Variants in STK4 observed in about 807,000 individuals in gnomAD.
The protein encoded by STK4 is serine/threonine kinase 4.
A neutral mutation model predicts 64.9 loss-of-function variants in STK4; 30 were observed. That is an observed-to-expected ratio of 0.46 (90% confidence interval 0.35 to 0.63). STK4 has a LOEUF of 0.63. Ranked by LOEUF, STK4 falls within the 20% of genes least tolerant of loss-of-function variation. STK4 has a pLI of 0.01. For missense variants in STK4, 466 were observed against 598.5 expected (o/e 0.78, Z 2.31); for synonymous variants, 177 against 199.0 (o/e 0.89, Z 0.93).
intron 9 of STK4, among the ~76,000 whole-genome samples, chr20:45,010,746 A>G (rs1049214964): frequency 1.3e-5 from 2 of 152,184 alleles, no homozygotes; most frequent in South Asian, 4.1e-4. Context: ...GTTACAGATC[A>G]TGTGTTGGTG....
At chr20:44,989,161 CTG>C (rs1302449846) in intron 5 of STK4, among the ~76,000 whole-genome samples, 3 of 152,232 alleles carry the variant, frequency 2.0e-5, no homozygotes, top group South Asian at 2.1e-4. Flanking sequence ...CATGGTAACT[CTG>C]TGTTTAATTT....
At chr20:45,050,462 T>A (rs961005376) in intron 10 of STK4, among the ~76,000 whole-genome samples, 3 of 152,228 alleles carry the variant, frequency 2.0e-5, no homozygotes, top group African/African-American at 7.2e-5. Flanking sequence ...CATCTTTGCA[T>A]GGTACGCCCT....
Position 44,987,143 on chromosome 20 carries a change from T to C in STK4, c.372T>C (p.Asp124=), listed in dbSNP as rs753023814. 1 of 1,588,730 alleles carries C rather than the reference T, an allele frequency of 6.3e-7. No homozygotes were observed. Among genetic ancestry groups the C allele is most frequent in the Admixed American group, 1.8e-5 (1 of 54,620 alleles). Residue 124 remains aspartate (D), a synonymous_variant, in exon 5 of 11, where the codon GAT becomes GAC. Coordinates refer to ENST00000372806, the MANE Select transcript of STK4 (RefSeq NM_006282.5). Reference sequence around the variant, plus strand: ...TATTCTTTTTTCAGTTAACAGAAGATGAAATAGCTACAATATTACAATCAA... The same window carrying C: ...TATTCTTTTTTCAGTTAACAGAAGACGAAATAGCTACAATATTACAATCAA... The part of the protein sequence containing the change: ...IRLRNKTLTE[D]EIATILQSTL...
chr20:44,971,865 G>T (rs937730448), intron 1 of STK4, among the ~76,000 whole-genome samples: 1 of 151,714 alleles, frequency 6.6e-6, no homozygotes, highest in African/African-American at 2.4e-5. Flanking sequence ...TGGAGACGGG[G>T]TTTCACCATG....
intron 10 of STK4, among the ~76,000 whole-genome samples, chr20:45,030,247 A>G (rs540157129): frequency 1.3e-5 from 2 of 152,172 alleles, no homozygotes; most frequent in Non-Finnish European, 2.9e-5. Flanking sequence ...CTGGGATTAT[A>G]GGTGCCTGCC....
intron 10 of STK4, among the ~76,000 whole-genome samples, chr20:45,028,859 TACTTATACGGAGGAGCTTTAGGA>T (rs2145393760): frequency 6.6e-6 from 1 of 152,318 alleles, no homozygotes. Flanking sequence ...GTGGGCAAGC[TACTTATACGGAGGAGCTTTAGGA>T]GCTTTTAGAG....
chr20:44,985,249 A>G (rs970400234), intron 4 of STK4, among the ~76,000 whole-genome samples: 4 of 152,232 alleles, frequency 2.6e-5, no homozygotes, highest in African/African-American at 9.6e-5. Context: ...GATGATGATA[A>G]TAATAGTTCC....
rs1402506836 is a variant in STK4 at position 45,001,186 on chromosome 20, C to G, written c.980C>G (p.Ser327Cys). 5.0e-6 allele frequency: 8 copies of G among 1,612,474 alleles called. No homozygotes were observed. In the East Asian group the frequency reaches 1.6e-4, roughly 31 times the overall value. Reference protein sequence around the residue: ...EENSEEDEMDSGTMVRAVGDE... With the variant: ...EENSEEDEMDCGTMVRAVGDE... ...TTACAGGAAGAGGATGAAATGGATTCTGGCACGATGGTTCGAGCAGTGGGT... is the reference window on the plus strand; with the variant it reads ...TTACAGGAAGAGGATGAAATGGATTGTGGCACGATGGTTCGAGCAGTGGGT... The change falls in exon 9 of 11, where the codon TCT becomes TGT. Residue 327 changes from serine (S) to cysteine (C), a missense_variant. By Grantham distance (112) the Ser-to-Cys change is moderately radical. Coordinates refer to ENST00000372806, the MANE Select transcript of STK4 (RefSeq NM_006282.5).
At chr20:45,016,415 A>G (rs780261637) in intron 9 of STK4, among the ~76,000 whole-genome samples, 1 of 152,182 alleles carries the variant, frequency 6.6e-6, no homozygotes, top group South Asian at 2.1e-4. Flanking sequence ...GAGATTTACA[A>G]TAGAAGAGCA....
intron 1 of STK4, among the ~76,000 whole-genome samples, chr20:44,969,971 G>A (rs960697472): frequency 1.3e-5 from 2 of 152,056 alleles, no homozygotes; most frequent in Non-Finnish European, 2.9e-5. Context: ...TTACATTTGT[G>A]AATCCATTTC....
At chr20:45,016,777 A>T (rs2068149955) in intron 9 of STK4, among the ~76,000 whole-genome samples, 1 of 152,230 alleles carries the variant, frequency 6.6e-6, no homozygotes, top group Non-Finnish European at 1.5e-5. Flanking sequence ...AAGAACAGCC[A>T]TGAGGGAAAT....
chr20:45,051,048 G>A (rs760230640), intron 10 of STK4, among the ~76,000 whole-genome samples: 23 of 152,100 alleles, frequency 1.5e-4, no homozygotes, highest in South Asian at 8.3e-4. Flanking sequence ...TGTTTTTACA[G>A]ATAGAAACTT....
chr20:45,011,731 T>TATATATA (rs1428985946), intron 9 of STK4, among the ~76,000 whole-genome samples: 3,693 of 80,746 alleles, frequency 0.046, 97 homozygotes, highest in Non-Finnish European at 0.061. Flanking sequence ...ATATATATAT[T>TATATATA]TTTTTTTTTT....
At chr20:45,011,982 T>C (rs1449059241) in intron 9 of STK4, among the ~76,000 whole-genome samples, 1 of 151,562 alleles carries the variant, frequency 6.6e-6, no homozygotes, top group Non-Finnish European at 1.5e-5. Context: ...CATCCCCTTA[T>C]TTTTCTTTTC....
intron 4 of STK4, among the ~76,000 whole-genome samples, chr20:44,985,448 A>G (rs1407011306): frequency 6.6e-6 from 1 of 152,110 alleles, no homozygotes; most frequent in Non-Finnish European, 1.5e-5. Flanking sequence ...GGTTCAAGTG[A>G]TTCTCCTGCT....
At chr20:45,058,084 CA>C (rs1978653872) in intron 10 of STK4, among the ~76,000 whole-genome samples, 5 of 150,160 alleles carry the variant, frequency 3.3e-5, no homozygotes, top group Admixed American at 6.6e-5. Flanking sequence ...CACACACACA[CA>C]CACCCCTACC....
At chr20:45,051,105 C>G (rs2068770212) in intron 10 of STK4, among the ~76,000 whole-genome samples, 1 of 152,112 alleles carries the variant, frequency 6.6e-6, no homozygotes. Context: ...TTTAAAACCT[C>G]TAGAAAGAAA....
At chr20:44,995,673 A>G (rs193215002) in intron 6 of STK4, among the ~76,000 whole-genome samples, 15 of 150,694 alleles carry the variant, frequency 1.0e-4, no homozygotes, top group African/African-American at 3.4e-4. Flanking sequence ...TAAATGAATT[A>G]TGTGTAAATT....
intron 10 of STK4, chr20:45,053,020 A>T: frequency 2.4e-6 from 3 of 1,253,870 alleles, no homozygotes; most frequent in Non-Finnish European, 3.5e-6. Context: ...CTTGGTTTAA[A>T]GTATGTTGAG....
Sources: allele counts gnomAD v4.1 joint callset (sites outside exome capture counted in the v4.1 genomes callset), GRCh38; gene constraint gnomAD v4.1.1; transcripts MANE v1.5; gene names NCBI Gene and HGNC (gene_info 2026-07-23, HGNC 2026-07-21).